USP24: variants seen among roughly 807,000 people sequenced by gnomAD.
The protein encoded by USP24 is ubiquitin carboxyl-terminal hydrolase 24.
A neutral mutation model predicts 361.6 loss-of-function variants in USP24; 97 were observed. The ratio of observed to expected loss-of-function variants is 0.27; its 90% confidence interval spans 0.23 to 0.32. The LOEUF is 0.32. Among genes scored for constraint, USP24 ranks in the 10% least tolerant of loss-of-function variants. The probability of loss-of-function intolerance (pLI) is 1.00; values close to 1 mark genes in which losing one functional copy is unlikely to be tolerated. For synonymous variants in USP24, 1,098 were observed against 1,124.6 expected, an observed-to-expected ratio of 0.98 and a Z score of 0.47; for missense variants, 2,353 against 3,165.6, an observed-to-expected ratio of 0.74 and a Z score of 6.16.
intron 36 of USP24, 70 bp downstream of exon 36, chr1:55,123,377 G>T: frequency 4.2e-6 from 6 of 1,418,256 alleles, no homozygotes; most frequent in Non-Finnish European, 5.6e-6. Context: ...AGGAAGAAAT[G>T]TAAAGAATTC....
chr1:55,182,598 T>A (rs1236091868), intron 1 of USP24, among the ~76,000 whole-genome samples: 1 of 151,958 alleles, frequency 6.6e-6, no homozygotes, highest in African/African-American at 2.4e-5. Flanking sequence ...AGGGGGGAGA[T>A]CTTATTATGT....
chr1:55,143,451 C>CAAAA (rs1212067232), intron 21 of USP24, among the ~76,000 whole-genome samples: 4 of 152,132 alleles, frequency 2.6e-5, no homozygotes, highest in Non-Finnish European at 5.9e-5. Context: ...TCTTCAGGAG[C>CAAAA]TTTTCTTCAA....
chr1:55,204,413 T>A (rs1056289142), intron 1 of USP24, among the ~76,000 whole-genome samples: 2 of 151,964 alleles, frequency 1.3e-5, no homozygotes, highest in African/African-American at 4.8e-5. Flanking sequence ...TCTACTAATA[T>A]TAAACATCTA....
intron 32 of USP24, 41 bp downstream of exon 32, chr1:55,129,436 C>T (rs1274612187): frequency 6.5e-7 from 1 of 1,533,664 alleles, no homozygotes; most frequent in African/African-American, 1.4e-5. Flanking sequence ...TAACTATATT[C>T]ATTTTCGGCA....
At chr1:55,071,572 AG>A in intron 67 of USP24, 4 of 1,312,168 alleles carry the variant, frequency 3.0e-6, no homozygotes, top group Non-Finnish European at 3.9e-6. Context: ...CAGGCTGATC[AG>A]GGTGGCCAGC....
Position 55,154,353 on chromosome 1 carries a change from T to C in USP24, c.1650+18A>G. The C allele has an allele frequency of 6.4e-7, 1 of 1,553,708 alleles. No homozygotes were observed. The highest frequency in any genetic ancestry group is 8.7e-7 in the Non-Finnish European group (1 of 1,148,094). Reference sequence around the variant, plus strand: ...CTTTGAGCATTTGTAGCTAGAAAAATCCATTTGATTCTCCTGCCTTTCCAG... The same window carrying C: ...CTTTGAGCATTTGTAGCTAGAAAAACCCATTTGATTCTCCTGCCTTTCCAG... On this transcript the variant is annotated intron_variant, in intron 14 of 67. Transcript: ENST00000294383.
intron 63 of USP24, 59 bp from the exon 64 acceptor site, chr1:55,073,965 G>A: frequency 1.5e-6 from 2 of 1,362,686 alleles, no homozygotes; most frequent in Non-Finnish European, 2.0e-6. Flanking sequence ...ATGGCTCCAA[G>A]TGACAACAAG....
chr1:55,101,875 A>G (rs1645644496), intron 42 of USP24, among the ~76,000 whole-genome samples, 172 bp from the exon 43 acceptor site: 1 of 152,236 alleles, frequency 6.6e-6, no homozygotes, highest in African/African-American at 2.4e-5. Flanking sequence ...AGATGCTGAT[A>G]TAATTATCAA....
chr1:55,129,356 T>C lies in USP24; in HGVS notation c.3635+121A>G, dbSNP rs186302412. ...ACTGAAACATCATTCCTTCTTATAA[T>C]AACTCTCACAATGAGTCATATGATA... On this transcript the variant is annotated intron_variant, in intron 32 of 67. Transcript: ENST00000294383. The C allele has an allele frequency of 2.6e-3, 1,681 of 640,188 alleles. 3 individuals are homozygous for C. The highest frequency in any genetic ancestry group is 2.9e-3 in the Non-Finnish European group (1,117 of 383,600). The allele number at this position is 640,188 out of a possible 1,614,324, so 39.7% of individuals were successfully genotyped here. A position where few individuals can be genotyped will look rare whatever the true frequency, so the allele number is the denominator to read the frequency against.
At chr1:55,154,012 T>C (rs1272083754) in intron 15 of USP24, 95 bp from the exon 16 acceptor site, 4 of 1,565,080 alleles carry the variant, frequency 2.6e-6, no homozygotes, top group African/African-American at 2.7e-5. Context: ...CTTCCAGATA[T>C]GGCATTTAGT....
chr1:55,080,278 G>C lies in USP24; in HGVS notation c.7079-619C>G, dbSNP rs148902975. ...GTCTTTTTAGATGAGTTGGAGTTTA[G>C]TAAGCAGACTCTGCCTTATAACACA... On this transcript the variant is annotated intron_variant, in intron 59 of 67. Coordinates refer to ENST00000294383, the MANE Select transcript of USP24 (RefSeq NM_015306.3). Among the ~76,000 whole-genome samples the C allele has an allele frequency of 6.1e-3, 927 of 152,310 alleles. 4 individuals are homozygous for C. The highest frequency in any genetic ancestry group is 0.01 in the Non-Finnish European group (691 of 68,008).
At chr1:55,181,987 G>A (rs1202999031) in intron 1 of USP24, among the ~76,000 whole-genome samples, 1 of 152,210 alleles carries the variant, frequency 6.6e-6, no homozygotes, top group African/African-American at 2.4e-5. Flanking sequence ...AAGGCCAGGT[G>A]AGGACACAGC....
intron 16 of USP24, 86 bp downstream of exon 16, chr1:55,153,784 T>C: frequency 7.8e-7 from 1 of 1,288,666 alleles, no homozygotes; most frequent in South Asian, 1.3e-5. Flanking sequence ...TAAAACATAC[T>C]ATTATTTTAA....
chr1:55,160,648 T>C (rs1357393355), intron 8 of USP24, among the ~76,000 whole-genome samples: 1 of 152,170 alleles, frequency 6.6e-6, no homozygotes, highest in African/African-American at 2.4e-5. Flanking sequence ...AAAGATGAAG[T>C]CAGATGTGCT....
At chr1:55,144,592 T>C (rs899274243) in intron 20 of USP24, among the ~76,000 whole-genome samples, 1 of 152,114 alleles carries the variant, frequency 6.6e-6, no homozygotes, top group Admixed American at 6.5e-5. Flanking sequence ...AATAAGCACA[T>C]ATAAATAGAT....
intron 3 of USP24, among the ~76,000 whole-genome samples, chr1:55,175,826 T>C (rs532158920): frequency 2.6e-4 from 39 of 152,302 alleles, no homozygotes; most frequent in Non-Finnish European, 5.0e-4. Flanking sequence ...TTCCCATTGT[T>C]AAGAAACACT....
At chr1:55,095,179 CT>C in intron 51 of USP24, 75 bp downstream of exon 51, 1 of 1,426,348 alleles carries the variant, frequency 7.0e-7, no homozygotes, top group Non-Finnish European at 9.3e-7. Context: ...TCTTTAAAAT[CT>C]CAAATAGTAT....
intron 36 of USP24, 87 bp from the exon 37 acceptor site, chr1:55,121,593 T>A: frequency 9.4e-7 from 1 of 1,064,594 alleles, no homozygotes; most frequent in South Asian, 1.5e-5. Flanking sequence ...AAGCTCAACT[T>A]AAGCATAAGC....
At chr1:55,179,607 AG>A in intron 1 of USP24, among the ~76,000 whole-genome samples, 1 of 152,178 alleles carries the variant, frequency 6.6e-6, no homozygotes, top group East Asian at 1.9e-4. Context: ...GAATGGCACC[AG>A]ATTCATCTAG....
Sources: allele counts gnomAD v4.1 joint callset (sites outside exome capture counted in the v4.1 genomes callset), GRCh38; gene constraint gnomAD v4.1.1; transcripts MANE v1.5; gene names NCBI Gene and HGNC (gene_info 2026-07-23, HGNC 2026-07-21).